Variants in INPP4B observed in about 807,000 individuals in gnomAD.
INPP4B encodes the protein inositol polyphosphate 4-phosphatase type II.
A neutral mutation model predicts 122.5 loss-of-function variants in INPP4B; 55 were observed. The ratio of observed to expected loss-of-function variants is 0.45; its 90% CI spans 0.36 to 0.56. The LOEUF (loss-of-function observed/expected upper bound fraction) is 0.56, where lower values mean the gene tolerates loss of function less well. Among genes scored for constraint, INPP4B ranks in the 20% least tolerant of loss-of-function variants. The pLI is 0.00. For missense variants in INPP4B, 1,000 were observed against 1,097.7 expected (o/e 0.91, Z 1.26); for synonymous variants, 403 against 388.7 (o/e 1.04, Z -0.43).
chr4:142,490,121 A>C (rs1218938911), intron 2 of INPP4B, among the ~76,000 whole-genome samples: 1 of 151,612 alleles, frequency 6.6e-6, no homozygotes, highest in Non-Finnish European at 1.5e-5. Flanking sequence ...TCTGCTACTC[A>C]GGCTGGCATG....
chr4:142,029,838 A>C (rs751435452), intron 25 of INPP4B: 14 of 1,062,050 alleles, frequency 1.3e-5, no homozygotes, highest in Non-Finnish European at 1.5e-5. Flanking sequence ...GAGGTTCAGA[A>C]CTTCAAGCTT....
chr4:142,784,427 CT>C (rs1464809511), intron 1 of INPP4B, among the ~76,000 whole-genome samples: 1 of 150,172 alleles, frequency 6.7e-6, no homozygotes, highest in Non-Finnish European at 1.5e-5. Flanking sequence ...AAATCAAGGA[CT>C]TTTTTTATAC....
intron 2 of INPP4B, among the ~76,000 whole-genome samples, chr4:142,491,336 T>C (rs942071305): frequency 1.3e-5 from 2 of 152,184 alleles, no homozygotes; most frequent in South Asian, 4.1e-4. Context: ...GACATTAATC[T>C]GAACAAACAT....
chr4:142,602,059 A>G (rs1740124171), intron 2 of INPP4B, among the ~76,000 whole-genome samples: 1 of 151,924 alleles, frequency 6.6e-6, no homozygotes, highest in African/African-American at 2.4e-5. Flanking sequence ...AAAAAATACT[A>G]AGGATCTACA....
intron 17 of INPP4B, among the ~76,000 whole-genome samples, chr4:142,152,457 C>A (rs1814725198): frequency 1.3e-5 from 2 of 151,548 alleles, no homozygotes; most frequent in South Asian, 4.2e-4. Flanking sequence ...ATGTCTTAGT[C>A]CTAGAGAGGA....
At chr4:142,623,929 C>T (rs370151850) in intron 2 of INPP4B, among the ~76,000 whole-genome samples, 2,527 of 151,862 alleles carry the variant, frequency 0.017, 57 homozygotes, top group African/African-American at 0.049. Flanking sequence ...TAGTATTCCA[C>T]GGTGTATATG....
chr4:142,504,011 A>T (rs1236611901), intron 2 of INPP4B, among the ~76,000 whole-genome samples: 2 of 152,220 alleles, frequency 1.3e-5, no homozygotes, highest in East Asian at 3.9e-4. Flanking sequence ...TATGATAAAC[A>T]GAAAAGAAAA....
At chr4:142,499,477 A>G (rs927517579) in intron 2 of INPP4B, among the ~76,000 whole-genome samples, 23 of 152,280 alleles carry the variant, frequency 1.5e-4, no homozygotes, top group African/African-American at 5.5e-4. Context: ...TATATAAACT[A>G]CAGTATGCCT....
intron 2 of INPP4B, among the ~76,000 whole-genome samples, chr4:142,653,267 A>C (rs1211471992): frequency 6.6e-6 from 1 of 152,266 alleles, no homozygotes; most frequent in South Asian, 2.1e-4. Flanking sequence ...AGCCATAAAA[A>C]CCCTAGAAGA....
intron 2 of INPP4B, among the ~76,000 whole-genome samples, chr4:142,512,951 T>C (rs1824931133): frequency 6.6e-6 from 1 of 152,230 alleles, no homozygotes; most frequent in Non-Finnish European, 1.5e-5. Flanking sequence ...ATCAAATATG[T>C]ACACAAAATC....
intron 1 of INPP4B, among the ~76,000 whole-genome samples, chr4:142,843,873 T>A: frequency 6.6e-6 from 1 of 152,108 alleles, no homozygotes; most frequent in East Asian, 1.9e-4. Flanking sequence ...GGATTTATAG[T>A]ACTTATACTA....
At chr4:142,737,385 G>A (rs1249972467) in intron 1 of INPP4B, among the ~76,000 whole-genome samples, 1 of 152,132 alleles carries the variant, frequency 6.6e-6, no homozygotes, top group Non-Finnish European at 1.5e-5. Context: ...TTAATAAATG[G>A]TGCTGGGAAA....
chr4:142,560,356 C>G (rs1411672645), intron 2 of INPP4B: 1 of 152,178 alleles, frequency 6.6e-6, no homozygotes, highest in East Asian at 1.9e-4. Flanking sequence ...TGAAAGCTCA[C>G]AAATACTACT....
chr4:142,497,419 T>TC (rs2149805316), intron 2 of INPP4B, among the ~76,000 whole-genome samples: 1 of 152,264 alleles, frequency 6.6e-6, no homozygotes, highest in African/African-American at 2.4e-5. Context: ...TAATACAGAA[T>TC]CAAAGCTACA....
At chr4:142,692,730 A>G (rs1760367273) in intron 2 of INPP4B, among the ~76,000 whole-genome samples, 1 of 152,126 alleles carries the variant, frequency 6.6e-6, no homozygotes, top group Non-Finnish European at 1.5e-5. Flanking sequence ...CTGCCCTTTC[A>G]CTGTGGTGGC....
chr4:142,576,384 A>T (rs2150179592), intron 2 of INPP4B, among the ~76,000 whole-genome samples: 1 of 152,128 alleles, frequency 6.6e-6, no homozygotes, highest in African/African-American at 2.4e-5. Flanking sequence ...AACATTATGC[A>T]ATCTACCTGG....
chr4:142,118,088 G>C (rs1048022480), intron 21 of INPP4B, among the ~76,000 whole-genome samples: 4 of 152,124 alleles, frequency 2.6e-5, no homozygotes, highest in Admixed American at 6.5e-5. Flanking sequence ...ACTTACAAGG[G>C]ATGTGAAGGA....
chr4:142,592,515 G>A (rs1046413801), intron 2 of INPP4B, among the ~76,000 whole-genome samples: 2 of 152,052 alleles, frequency 1.3e-5, no homozygotes, highest in Non-Finnish European at 2.9e-5. Flanking sequence ...TTGTTCAAAA[G>A]ATCTTAAATA....
intron 5 of INPP4B, among the ~76,000 whole-genome samples, chr4:142,421,466 T>C (rs1431268892): frequency 6.6e-6 from 1 of 152,140 alleles, no homozygotes; most frequent in Non-Finnish European, 1.5e-5. Flanking sequence ...TCATGATACC[T>C]ACATATAATT....
Sources: gnomAD v4.1 joint callset for allele counts (sites outside exome capture counted in the v4.1 genomes callset) on GRCh38, gnomAD v4.1.1 for gene constraint, MANE v1.5 for transcripts, NCBI Gene and HGNC (gene_info 2026-07-23, HGNC 2026-07-21) for gene names.